The following EVL variants were observed in gnomAD, a reference collection of about 807,000 sequenced individuals.
The protein encoded by EVL is ena/VASP-like protein.
A neutral mutation model predicts 59.6 loss-of-function variants in EVL; 21 were observed. The ratio of observed to expected loss-of-function variants is 0.35; its 90% CI spans 0.25 to 0.51. The LOEUF is 0.51. EVL is among the 20% of genes least tolerant of loss of function. The pLI is 0.97. For missense variants in EVL, 462 were observed against 546.6 expected, an observed-to-expected ratio of 0.85 and a Z score of 1.54; for synonymous variants, 198 against 203.5, an observed-to-expected ratio of 0.97 and a Z score of 0.23.
intron 1 of EVL, among the ~76,000 whole-genome samples, chr14:100,043,482 G>A (rs923500229): frequency 6.6e-6 from 1 of 151,674 alleles, no homozygotes; most frequent in Non-Finnish European, 1.5e-5. Context: ...GGGTGGGGTG[G>A]GGTGAGGTGC....
At chr14:100,098,977 G>A (rs1886005401) in intron 3 of EVL, among the ~76,000 whole-genome samples, 1 of 152,098 alleles carries the variant, frequency 6.6e-6, no homozygotes. Flanking sequence ...TGCTGCTGCT[G>A]TTACTGCTAT....
At chr14:100,028,762 G>A (rs2061263326) in intron 1 of EVL, among the ~76,000 whole-genome samples, 1 of 152,196 alleles carries the variant, frequency 6.6e-6, no homozygotes, top group African/African-American at 2.4e-5. Context: ...AGTGAGCCAA[G>A]TTCACGCCAC....
At chr14:100,061,646 C>T (rs2061837038), upstream of EVL, among the ~76,000 whole-genome samples, 1 of 152,006 alleles carries the variant, frequency 6.6e-6, no homozygotes, top group Admixed American at 6.6e-5. Flanking sequence ...GAAAATCCAC[C>T]TAAACTTTTG....
rs148121377 is a variant in EVL, at chr14:100,136,462, A to G, written c.964+494A>G. 4.3e-3 allele frequency among the ~76,000 whole-genome samples: 655 copies of G among 152,282 alleles called. 6 individuals are homozygous for G. Among genetic ancestry groups the G allele is most frequent in the African/African-American group, 0.014 (596 of 41,560 alleles). On this transcript the variant is annotated intron_variant, in intron 9 of 13. Transcript: ENST00000392920. ...TTTCTCTCTGTCTAAGCTGTGGCAGATGGGAGGTAGTTAGGAGAGTATGAT... is the reference window on the plus strand; with the variant it reads ...TTTCTCTCTGTCTAAGCTGTGGCAGGTGGGAGGTAGTTAGGAGAGTATGAT...
chr14:99,988,684 G>T (rs999491959), intron 1 of EVL, among the ~76,000 whole-genome samples: 1 of 152,284 alleles, frequency 6.6e-6, no homozygotes, highest in South Asian at 2.1e-4. Flanking sequence ...CAACCCAAAT[G>T]TTCACGAATC....
chr14:100,024,446 A>G (rs1173441826), intron 1 of EVL, among the ~76,000 whole-genome samples: 2 of 152,220 alleles, frequency 1.3e-5, no homozygotes, highest in African/African-American at 4.8e-5. Flanking sequence ...AATAAGTCTC[A>G]GATGAACAGG....
chr14:100,120,953 G>A (rs1054904493), intron 3 of EVL, among the ~76,000 whole-genome samples: 5 of 152,170 alleles, frequency 3.3e-5, no homozygotes, highest in Non-Finnish European at 7.4e-5. Flanking sequence ...CTAACGAGCC[G>A]TGGGAGGCAG....
At chr14:100,103,376 C>T (rs1350518951) in intron 3 of EVL, among the ~76,000 whole-genome samples, 1 of 152,042 alleles carries the variant, frequency 6.6e-6, no homozygotes, top group Non-Finnish European at 1.5e-5. Context: ...ATTGTTCTCT[C>T]CCTGGAATGT....
chr14:100,014,895 T>C (rs1426208632), intron 1 of EVL, among the ~76,000 whole-genome samples: 6 of 152,232 alleles, frequency 3.9e-5, no homozygotes, highest in African/African-American at 1.2e-4. Flanking sequence ...AGATCCTTGA[T>C]TGGGCCATGA....
intron 1 of EVL, among the ~76,000 whole-genome samples, chr14:99,982,497 T>C (rs1490075054): frequency 6.6e-6 from 1 of 152,174 alleles, no homozygotes; most frequent in Non-Finnish European, 1.5e-5. Flanking sequence ...GAGGTTTAAC[T>C]TGGAGGTTCT....
At chr14:100,087,236 T>C (rs1340545173) in intron 2 of EVL, among the ~76,000 whole-genome samples, 2 of 152,348 alleles carry the variant, frequency 1.3e-5, no homozygotes, top group Admixed American at 6.5e-5. Flanking sequence ...TAGTAAGTTA[T>C]AGTACCATTA....
chr14:100,060,036 G>T (rs1206542606), intron 1 of EVL, among the ~76,000 whole-genome samples: 1 of 152,210 alleles, frequency 6.6e-6, no homozygotes, highest in Non-Finnish European at 1.5e-5. Context: ...GAGCAGGCAA[G>T]TTCTTCAAAT....
chr14:100,095,918 G>A (rs1885778445), intron 2 of EVL, among the ~76,000 whole-genome samples: 1 of 152,186 alleles, frequency 6.6e-6, no homozygotes, highest in Non-Finnish European at 1.5e-5. Context: ...AGTAGAGACG[G>A]GGTTTTGCCA....
intron 3 of EVL, among the ~76,000 whole-genome samples, chr14:100,103,928 G>A (rs1886394080): frequency 6.6e-6 from 1 of 152,178 alleles, no homozygotes; most frequent in African/African-American, 2.4e-5. Context: ...GTGTGCTGTG[G>A]GTATATGCAT....
rs556400578 is a variant in EVL at position 100,099,883 on chromosome 14, T to G, written c.358+2225T>G. On this transcript the variant is annotated intron_variant, in intron 3 of 13. Transcript: ENST00000392920. Reference sequence around the variant, plus strand: ...CCACTGCGCCCGGCCCAGCTTTATTTTACTTGTACATGCAGATACTTGTAG... The same window carrying G: ...CCACTGCGCCCGGCCCAGCTTTATTGTACTTGTACATGCAGATACTTGTAG... Among the ~76,000 whole-genome samples, 6 of 151,964 alleles carry G rather than the reference T, an allele frequency of 3.9e-5. No homozygotes were observed. The East Asian group carries it at 1.2e-3, about 30-fold the overall frequency.
In EVL at chr14:100,073,729, A is replaced by T. The variant is rs1221380096; in HGVS notation, c.11+8218A>T. ...CCACAAAAATCCGTGGAGGCTGAGAAATACAATACCTGGCAAAACTCAGCA... is the reference window on the plus strand; with the variant it reads ...CCACAAAAATCCGTGGAGGCTGAGATATACAATACCTGGCAAAACTCAGCA... On this transcript the variant is annotated intron_variant, in intron 1 of 13. Transcript: ENST00000392920. Among the ~76,000 whole-genome samples, 7 of 152,220 alleles carry T rather than the reference A, an allele frequency of 4.6e-5. 1 individual carries two copies. The South Asian group carries it at 1.4e-3, about 32-fold the overall frequency.
chr14:99,978,259 G>A (rs192044856), intron 1 of EVL, among the ~76,000 whole-genome samples: 1,815 of 151,486 alleles, frequency 0.012, 13 homozygotes, highest in Middle Eastern at 0.056. Context: ...AAAATTAGCC[G>A]GGCATGGTGG....
At chr14:100,125,587 G>A (rs918563775) in intron 4 of EVL, among the ~76,000 whole-genome samples, 4 of 149,906 alleles carry the variant, frequency 2.7e-5, no homozygotes, top group African/African-American at 9.8e-5. Context: ...ATGGAGTCTT[G>A]CTCTGTCACC....
At chr14:100,139,801 T>A (rs1353369820) in intron 11 of EVL, 1 of 152,244 alleles carries the variant, frequency 6.6e-6, no homozygotes, top group Non-Finnish European at 1.5e-5. Flanking sequence ...ACAGGCCACA[T>A]ACGTTTCCCT....
Sources: allele counts gnomAD v4.1 joint callset (sites outside exome capture counted in the v4.1 genomes callset), GRCh38; gene constraint gnomAD v4.1.1; transcripts MANE v1.5; gene names NCBI Gene and HGNC (gene_info 2026-07-23, HGNC 2026-07-21).